The following DOCK9 variants were observed in gnomAD, a reference collection of about 807,000 sequenced individuals.
DOCK9 encodes dedicator of cytokinesis protein 9.
DOCK9 carries 89 observed loss-of-function variants against 263.3 expected under a neutral mutation model. The observed-to-expected ratio is 0.34, with a 90% CI of 0.28 to 0.40. The LOEUF (loss-of-function observed/expected upper bound fraction) is 0.40, where lower values mean the gene tolerates loss of function less well. Ranked by LOEUF, DOCK9 falls within the 10% of genes least tolerant of loss-of-function variation. DOCK9 has a pLI of 1.00. For missense variants in DOCK9, 2,140 were observed against 2,603.4 expected, an observed-to-expected ratio of 0.82 and a Z score of 3.87; for synonymous variants, 976 against 973.1, an observed-to-expected ratio of 1.00 and a Z score of -0.06.
At chr13:98,865,508 C>T (rs2093995343) in intron 30 of DOCK9, among the ~76,000 whole-genome samples, 3 of 152,272 alleles carry the variant, frequency 2.0e-5, no homozygotes, top group Middle Eastern at 3.4e-3. Flanking sequence ...ACATTTATTC[C>T]TGTCAGTGTA....
chr13:99,066,627 C>T (rs1285756595), intron 1 of DOCK9, among the ~76,000 whole-genome samples: 1 of 151,632 alleles, frequency 6.6e-6, no homozygotes, highest in East Asian at 1.9e-4. Context: ...TTTTGGGGAT[C>T]TTTGCACCTA....
chr13:99,071,244 GC>G (rs76748289), intron 1 of DOCK9, among the ~76,000 whole-genome samples: 32,479 of 148,318 alleles, frequency 0.22, 3,534 homozygotes, highest in Middle Eastern at 0.31. Context: ...CCAGGCTCAA[GC>G]CATCCTCCCA....
chr13:98,832,680 T>C (rs1357963479), intron 39 of DOCK9, among the ~76,000 whole-genome samples: 1 of 152,180 alleles, frequency 6.6e-6, no homozygotes, highest in African/African-American at 2.4e-5. Flanking sequence ...GAACTTCGTG[T>C]CTAATGTGCA....
intron 1 of DOCK9, among the ~76,000 whole-genome samples, chr13:98,972,411 A>G (rs971148456): frequency 3.8e-5 from 4 of 104,496 alleles, no homozygotes; most frequent in African/African-American, 1.6e-4. Flanking sequence ...TTTTCTATAC[A>G]AGCGATTTTA....
At position 98,938,264 on chromosome 13, in the gene DOCK9, T is replaced by A. The variant is rs140203466; in HGVS notation, c.244-8007A>T. On this transcript the variant is annotated intron_variant, in intron 2 of 52. Coordinates refer to ENST00000682017, the MANE Select transcript of DOCK9 (RefSeq NM_001366683.2). ...TGATCTTAGAATTTGAGAAATGATA[T>A]TGGAAAGAGATTTGAGTTGAGAGCC... 3.9e-3 allele frequency among the ~76,000 whole-genome samples: 601 copies of A among 152,324 alleles called. 4 individuals are homozygous for A. The highest frequency in any genetic ancestry group is 0.014 in the African/African-American group (575 of 41,568).
chr13:98,993,915 G>C (rs993421894), intron 1 of DOCK9, among the ~76,000 whole-genome samples: 11 of 152,048 alleles, frequency 7.2e-5, no homozygotes, highest in Admixed American at 7.2e-4. Flanking sequence ...ACTTCAAAGA[G>C]AAAAAAATAT....
intron 1 of DOCK9, among the ~76,000 whole-genome samples, chr13:98,989,665 G>A (rs911469676): frequency 6.6e-6 from 1 of 152,096 alleles, no homozygotes; most frequent in African/African-American, 2.4e-5. Context: ...AGGTGGAGTG[G>A]GGTAGAGATT....
chr13:98,877,780 G>C lies in DOCK9; in HGVS notation c.2943+2118C>G, dbSNP rs1194234864. On this transcript the variant is annotated intron_variant, in intron 27 of 52. Transcript: ENST00000682017. ...TTGAGGGCAAAAACTGTGATGCATT[G>C]AACTTTGTAATCCTTGGCACCTCAA... is the stretch of plus-strand genomic sequence containing the variant. Among the ~76,000 whole-genome samples, 6 of 152,162 alleles carry C rather than the reference G, an allele frequency of 3.9e-5. 1 individual carries two copies. Among genetic ancestry groups the C allele is most frequent in the Admixed American group, 3.9e-4 (6 of 15,280 alleles).
chr13:98,932,997 G>GTA (rs1218752604), intron 2 of DOCK9, among the ~76,000 whole-genome samples: 2 of 152,174 alleles, frequency 1.3e-5, no homozygotes, highest in African/African-American at 2.4e-5. Flanking sequence ...GCAATATACT[G>GTA]TATATATATA....
chr13:98,949,064 A>G (rs1470199213), intron 2 of DOCK9, among the ~76,000 whole-genome samples: 2 of 152,088 alleles, frequency 1.3e-5, no homozygotes, highest in Admixed American at 6.6e-5. Flanking sequence ...TGGGGCATAT[A>G]TCCAGAAGTG....
chr13:98,863,070 G>A lies in DOCK9; in HGVS notation c.3528C>T (p.Val1176=). The change falls in exon 32 of 53, where the codon GTC becomes GTT. Residue 1176 remains valine (V), a synonymous_variant. Coordinates refer to ENST00000682017, the MANE Select transcript of DOCK9 (RefSeq NM_001366683.2). ...LPLFGLLIEN[V]QRINVRDVSP... ...ACACATCCCTCACATTGATCCGCTGGACGTTTTCAATCAGCAGACCAAACA... is the reference window on the plus strand; with the variant it reads ...ACACATCCCTCACATTGATCCGCTGAACGTTTTCAATCAGCAGACCAAACA... The A allele has an allele frequency of 6.2e-7, 1 of 1,611,950 alleles. No individual in the cohort carries two copies. Among genetic ancestry groups the A allele is most frequent in the Non-Finnish European group, 8.5e-7 (1 of 1,179,166 alleles).
chr13:99,004,113 C>G (rs1329264975), intron 1 of DOCK9, among the ~76,000 whole-genome samples: 1 of 152,170 alleles, frequency 6.6e-6, no homozygotes, highest in Admixed American at 6.5e-5. Flanking sequence ...TTCTCCTTCA[C>G]CTGGTTAAAT....
intron 1 of DOCK9, among the ~76,000 whole-genome samples, chr13:98,993,354 T>C (rs2141732553): frequency 6.6e-6 from 1 of 152,338 alleles, no homozygotes; most frequent in South Asian, 2.1e-4. Flanking sequence ...TGAGAAACAA[T>C]TTAAGCAGAG....
chr13:98,927,606 C>A (rs2053189907), intron 3 of DOCK9, among the ~76,000 whole-genome samples: 3 of 140,866 alleles, frequency 2.1e-5, no homozygotes, highest in Non-Finnish European at 3.0e-5. Context: ...ATGAATGGAG[C>A]CCAGATTTTT....
rs760695526 is a variant in DOCK9, at chr13:98,888,566, TAACTC to T, written c.1790-24_1790-20del. 1.8e-4 allele frequency: 288 copies of T among 1,612,862 alleles called. No homozygotes were observed. The highest frequency in any genetic ancestry group is 2.5e-4 in the Admixed American group (15 of 59,930). ...ACATAATCTGCAAAGATATTCAAAA[TAACTC>T]AAACTGAAGTAAAACCCAAACTAAT... On this transcript the variant is annotated intron_variant, in intron 16 of 52. Transcript: ENST00000682017.
At chr13:99,021,157 A>ACATGCTCAAT (rs1397505403) in intron 1 of DOCK9, among the ~76,000 whole-genome samples, 1 of 152,222 alleles carries the variant, frequency 6.6e-6, no homozygotes, top group African/African-American at 2.4e-5. Flanking sequence ...AGTATATACC[A>ACATGCTCAAT]CATGCTCAAT....
chr13:98,850,087 C>G lies in DOCK9; in HGVS notation c.3973G>C (p.Ala1325Pro). The stretch of plus-strand genomic sequence containing the variant: ...AAATCCATAAGTTCAGATGTTGAAG[C>G]CTTGTTCCAATATGTAAACAAAGCA... ...DDALFTYWNK[A>P]STSELMDFFT... The change falls in exon 36 of 53, where the codon GCT becomes CCT. Residue 1325 changes from alanine (A) to proline (P), a missense_variant. Ala to Pro is a conservative substitution (Grantham distance 27). Transcript: ENST00000682017. The G allele has an allele frequency of 3.9e-6, 6 of 1,554,284 alleles. No individual in the cohort carries two copies. Among genetic ancestry groups the G allele is most frequent in the Non-Finnish European group, 5.2e-6 (6 of 1,153,988 alleles).
intron 1 of DOCK9, among the ~76,000 whole-genome samples, chr13:98,991,584 T>G (rs1198825688): frequency 6.6e-6 from 1 of 152,068 alleles, no homozygotes; most frequent in African/African-American, 2.4e-5. Flanking sequence ...TATTTGAATA[T>G]ACTGGGTTAA....
intron 15 of DOCK9, 137 bp downstream of exon 15, chr13:98,897,351 T>G: frequency 1.9e-6 from 2 of 1,080,658 alleles, no homozygotes; most frequent in Non-Finnish European, 2.7e-6. Context: ...CTCAAGGGTT[T>G]GAGGAAATGC....
Sources: gnomAD v4.1 joint callset for allele counts (sites outside exome capture counted in the v4.1 genomes callset) on GRCh38, gnomAD v4.1.1 for gene constraint, MANE v1.5 for transcripts, NCBI Gene and HGNC (gene_info 2026-07-23, HGNC 2026-07-21) for gene names.